The following FHL2 variants were observed in gnomAD, a reference collection of about 807,000 sequenced individuals.
FHL2 encodes the protein four and a half LIM domains 2.
Under a neutral mutation model 32.7 loss-of-function variants are expected in FHL2, and 20 were observed. The ratio of observed to expected loss-of-function variants is 0.61; its 90% CI spans 0.43 to 0.89. FHL2 has a LOEUF of 0.89. FHL2 is among the 40% of genes least tolerant of loss of function. The pLI is 0.00. For synonymous variants in FHL2, 123 were observed against 128.1 expected (o/e 0.96, Z 0.27); for missense variants, 311 against 358.6 (o/e 0.87, Z 1.07).
In FHL2 at chr2:105,361,034, G is replaced by A. The variant is rs1680213715; in HGVS notation, c.*249C>T. ...TTCAAAAGGATTTTTACATTTGGGT[G>A]TGCCTTACTCGATTACAAAAATTTC... On this transcript the variant is annotated 3_prime_UTR_variant, in exon 7 of 7. Coordinates refer to ENST00000530340, the MANE Select transcript of FHL2 (RefSeq NM_001318895.3). The A allele has an allele frequency of 2.8e-6, 1 of 361,348 alleles. No homozygotes were observed. The highest frequency in any genetic ancestry group is 5.0e-6 in the Non-Finnish European group (1 of 200,514). The allele number at this position is 361,348 out of a possible 1,614,324, so 22.4% of individuals were successfully genotyped here.
At position 105,426,761 on chromosome 2, in the gene FHL2, C is replaced by A. The variant is rs77581053; in HGVS notation, c.-25+11638G>T. Among the ~76,000 whole-genome samples the A allele has an allele frequency of 8.2e-3, 1,244 of 152,336 alleles. 23 individuals carry two copies. The highest frequency in any genetic ancestry group is 0.029 in the African/African-American group (1,194 of 41,578). ...AGAACACACGCACAGCAACACCCAG[C>A]ACTCCCACACTTAGGCACAAATAGT... On this transcript the variant is annotated intron_variant, in intron 1 of 5. Transcript: ENST00000393352.
At chr2:105,381,427 T>G (rs1190034815) in intron 3 of FHL2, among the ~76,000 whole-genome samples, 2 of 152,042 alleles carry the variant, frequency 1.3e-5, no homozygotes, top group Non-Finnish European at 2.9e-5. Context: ...GGCTTATAGG[T>G]GGCAGGACTT....
At chr2:105,416,368 T>G (rs1683939196) in intron 1 of FHL2, among the ~76,000 whole-genome samples, 1 of 152,222 alleles carries the variant, frequency 6.6e-6, no homozygotes, top group African/African-American at 2.4e-5. Flanking sequence ...CTGTGGAGTA[T>G]GTGGTTTTGG....
chr2:105,411,699 G>C (rs529705110), intron 1 of FHL2, among the ~76,000 whole-genome samples: 58 of 151,858 alleles, frequency 3.8e-4, no homozygotes, highest in Middle Eastern at 6.8e-3. Context: ...AATTAATTGG[G>C]CATGGTGGTG....
intron 1 of FHL2, among the ~76,000 whole-genome samples, chr2:105,419,211 ATTTTT>A (rs572876535): frequency 1.3e-5 from 2 of 152,114 alleles, no homozygotes; most frequent in African/African-American, 4.8e-5. Context: ...TTTTTAAAAA[ATTTTT>A]TTATTTTCAT....
In FHL2 at chr2:105,386,401, G is replaced by A. The variant is rs761233563; in HGVS notation, c.116C>T (p.Thr39Ile). The A allele has an allele frequency of 1.5e-5, 24 of 1,614,184 alleles. No homozygotes were observed. The highest frequency in any genetic ancestry group is 1.9e-5 in the Non-Finnish European group (23 of 1,180,036). The stretch of plus-strand genomic sequence containing the variant: ...GATGGGCTTCCCACACTCCTCGCAG[G>A]TGTTGGCGAACAGGGTCTCAAAGCA... ...VVCFETLFAN[T>I]CEECGKPIGC... The change falls in exon 3 of 7, where the codon ACC (threonine) becomes ATC (isoleucine). Residue 39 changes from threonine to isoleucine, a missense_variant. Thr to Ile is a moderately conservative substitution (Grantham distance 89). Coordinates refer to ENST00000530340, the MANE Select transcript of FHL2 (RefSeq NM_001318895.3).
chr2:105,363,414 C>A lies in FHL2; in HGVS notation c.559G>T (p.Val187Leu), dbSNP rs570903247. ...REQPWHKECFVCTACRKQLSG... is the reference protein window; with the variant it reads ...REQPWHKECFLCTACRKQLSG... ...AGCTGCTTCCTGCAGGCGGTGCACA[C>A]GAAGCACTCCTTGTGCCAGGGCTGC... Residue 187 changes from valine to leucine, a missense_variant, in exon 6 of 7, where the codon GTG (valine) becomes TTG (leucine). Val to Leu is a conservative substitution (Grantham distance 32, BLOSUM62 1). Transcript: ENST00000530340. 3.6e-5 allele frequency: 58 copies of A among 1,613,128 alleles called. No individual in the cohort carries two copies. The highest frequency in any genetic ancestry group is 3.8e-5 in the Non-Finnish European group (45 of 1,179,668).
intron 4 of FHL2, among the ~76,000 whole-genome samples, chr2:105,372,011 A>G (rs1201529953): frequency 6.6e-6 from 1 of 152,090 alleles, no homozygotes; most frequent in East Asian, 1.9e-4. Context: ...TGCCCCATCT[A>G]AAGTCACCAT....
intron 1 of FHL2, among the ~76,000 whole-genome samples, chr2:105,425,725 G>T (rs868086798): frequency 1.3e-5 from 2 of 151,828 alleles, no homozygotes; most frequent in Non-Finnish European, 2.9e-5. Flanking sequence ...CATAAATCTG[G>T]CTTACGTGCA....
At chr2:105,390,038 C>T (rs1420156801) in intron 2 of FHL2, 2 of 152,074 alleles carry the variant, frequency 1.3e-5, no homozygotes, top group Admixed American at 6.6e-5. Context: ...ACCATCCTGG[C>T]TAACACGGTG....
rs762587215 is a variant in FHL2, at chr2:105,361,345, C to T, written c.778G>A (p.Gly260Arg). Reference sequence around the variant, plus strand: ...TCCCTCTCTGTGAGGAAGCCACGCCCCACCAGTGAGAGGGAGCACTTCTTA... The same window carrying T: ...TCCCTCTCTGTGAGGAAGCCACGCCTCACCAGTGAGAGGGAGCACTTCTTA... ...NCKKCSLSLV[G>R]RGFLTERDDI... The change falls in exon 7 of 7, where the codon GGG (glycine) becomes AGG (arginine). Residue 260 changes from glycine to arginine, a missense_variant. Gly to Arg is a moderately radical substitution (Grantham distance 125, BLOSUM62 -2). Coordinates refer to ENST00000530340, the MANE Select transcript of FHL2 (RefSeq NM_001318895.3). 1 of 1,614,064 alleles carries T rather than the reference C, an allele frequency of 6.2e-7. No homozygotes were observed. The highest frequency in any genetic ancestry group is 8.5e-7 in the Non-Finnish European group (1 of 1,179,910).
At chr2:105,437,974 G>T (rs1684662157) in intron 1 of FHL2, among the ~76,000 whole-genome samples, 1 of 152,182 alleles carries the variant, frequency 6.6e-6, no homozygotes. Flanking sequence ...GGGAGAAAAA[G>T]TTCAAGTGCA....
chr2:105,435,398 G>A (rs1408972715), intron 1 of FHL2, among the ~76,000 whole-genome samples: 1 of 152,036 alleles, frequency 6.6e-6, no homozygotes, highest in Non-Finnish European at 1.5e-5. Flanking sequence ...TTTCTATTTT[G>A]TGTTCATACG....
upstream of FHL2, among the ~76,000 whole-genome samples, chr2:105,403,564 G>A (rs1214229914): frequency 6.6e-6 from 1 of 152,222 alleles, no homozygotes; most frequent in Non-Finnish European, 1.5e-5. Context: ...TTGTCCCAGA[G>A]TGCAGCAGGA....
chr2:105,406,505 T>A (rs1025341702), intron 1 of FHL2, among the ~76,000 whole-genome samples: 1 of 151,460 alleles, frequency 6.6e-6, no homozygotes, highest in Non-Finnish European at 1.5e-5. Context: ...TCAATTTCCA[T>A]TTGGCACATG....
chr2:105,371,999 G>A (rs1681111787), intron 4 of FHL2, among the ~76,000 whole-genome samples: 1 of 152,160 alleles, frequency 6.6e-6, no homozygotes, highest in Admixed American at 6.5e-5. Flanking sequence ...CTTGCCTGGA[G>A]CTGCCCCATC....
chr2:105,402,516 A>G (rs562180813), upstream of FHL2, among the ~76,000 whole-genome samples: 6 of 152,254 alleles, frequency 3.9e-5, no homozygotes, highest in South Asian at 1.2e-3. Context: ...AAGTGCTGAA[A>G]TTACAGGCGT....
In FHL2 at chr2:105,383,695, C is replaced by T. The variant is rs140256667; in HGVS notation, c.156+2666G>A. Among the ~76,000 whole-genome samples the T allele has an allele frequency of 7.4e-4, 113 of 152,296 alleles. No individual in the cohort carries two copies. The East Asian group carries it at 0.019, about 26-fold the overall frequency. Reference sequence around the variant, plus strand: ...AGCACAGTTCCTCTATCAGGTATCTCCCCGCCTGCCAGGATTGTGGGCTTT... The same window carrying T: ...AGCACAGTTCCTCTATCAGGTATCTTCCCGCCTGCCAGGATTGTGGGCTTT... On this transcript the variant is annotated intron_variant, in intron 3 of 6. Transcript: ENST00000530340.
intron 5 of FHL2, among the ~76,000 whole-genome samples, chr2:105,364,511 G>A (rs1424555735): frequency 1.3e-5 from 2 of 152,166 alleles, no homozygotes; most frequent in Non-Finnish European, 2.9e-5. Context: ...AGCCACATGA[G>A]GTGGAACTGG....
Sources: allele counts gnomAD v4.1 joint callset (sites outside exome capture counted in the v4.1 genomes callset), GRCh38; gene constraint gnomAD v4.1.1; transcripts MANE v1.5; gene names NCBI Gene and HGNC (gene_info 2026-07-23, HGNC 2026-07-21).